Variants in TFG observed in about 807,000 individuals in gnomAD.
The protein encoded by TFG is trafficking from ER to golgi regulator.
In TFG, 22 loss-of-function variants were observed where a neutral mutation model predicts 51.4. That is an observed-to-expected ratio of 0.43 (90% CI 0.31 to 0.61). TFG has a LOEUF of 0.61. Ranked by LOEUF, TFG falls within the 20% of genes least tolerant of loss-of-function variation. TFG has a pLI of 0.12. For missense variants in TFG, 419 were observed against 487.7 expected (o/e 0.86, Z 1.33); for synonymous variants, 187 against 165.6 (o/e 1.13, Z -0.99).
intron 6 of TFG, among the ~76,000 whole-genome samples, chr3:100,739,478 T>A (rs1214283918): frequency 2.0e-5 from 3 of 151,572 alleles, no homozygotes; most frequent in African/African-American, 7.3e-5. Context: ...TTGCCAGAAA[T>A]GTAACTGGTA....
At position 100,732,610 on chromosome 3, in the gene TFG, A is replaced by G. The variant is rs1259859828; in HGVS notation, c.518A>G (p.Asn173Ser). 2 of 1,612,168 alleles carry G rather than the reference A, an allele frequency of 1.2e-6. No homozygotes were observed. Among genetic ancestry groups the G allele is most frequent in the African/African-American group, 1.3e-5 (1 of 74,810 alleles). ...ATGTCTGCTTTTGATCCTTTAAAAA[A>G]CCAAGATGAAATCAATAAAAATGTT... ...ASMSAFDPLK[N>S]QDEINKNVMS... The change falls in exon 5 of 8, where the codon AAC (asparagine) becomes AGC (serine). Residue 173 changes from asparagine to serine, a missense_variant. Physicochemically the swap from Asn to Ser is conservative, Grantham distance 46. Around this residue, in one of 3 missense-constraint regions of TFG, gnomAD observed 391 missense variants for 434.4 expected, o/e 0.90. Transcript: ENST00000240851.
At chr3:100,711,589 T>C (rs575199509) in intron 1 of TFG, among the ~76,000 whole-genome samples, 2 of 152,132 alleles carry the variant, frequency 1.3e-5, no homozygotes, top group Non-Finnish European at 2.9e-5. Context: ...TATTACAGCT[T>C]TCTTCTCCCA....
At chr3:100,724,450 T>C (rs577992349) in intron 3 of TFG, among the ~76,000 whole-genome samples, 1 of 152,306 alleles carries the variant, frequency 6.6e-6, no homozygotes, top group African/African-American at 2.4e-5. Context: ...CTAGGTAAAT[T>C]TAATGTACTG....
intron 6 of TFG, 101 bp downstream of exon 6, chr3:100,736,817 C>A: frequency 2.3e-6 from 3 of 1,298,186 alleles, no homozygotes; most frequent in Non-Finnish European, 3.1e-6. Flanking sequence ...ATGCCTTAAA[C>A]ACAGGAAAAA....
chr3:100,740,306 A>C (rs1193878309), intron 6 of TFG, among the ~76,000 whole-genome samples: 2 of 152,178 alleles, frequency 1.3e-5, no homozygotes, highest in African/African-American at 4.8e-5. Context: ...GGTTGCAGTT[A>C]AAAATGGCTG....
At chr3:100,719,896 A>G (rs945410645) in intron 2 of TFG, 79 bp from the exon 3 acceptor site, 17 of 852,658 alleles carry the variant, frequency 2.0e-5, no homozygotes, top group Middle Eastern at 7.1e-4. Context: ...TGGATTTTTA[A>G]TTTTTACTAG....
At chr3:100,730,179 G>A (rs2095087634) in intron 4 of TFG, among the ~76,000 whole-genome samples, 1 of 152,168 alleles carries the variant, frequency 6.6e-6, no homozygotes, top group Admixed American at 6.5e-5. Context: ...ATATTAAGAA[G>A]TGTAGATGAG....
chr3:100,721,275 G>A (rs752852103), intron 3 of TFG, among the ~76,000 whole-genome samples: 1 of 151,650 alleles, frequency 6.6e-6, no homozygotes, highest in Non-Finnish European at 1.5e-5. Flanking sequence ...AAATATCCAG[G>A]GAACAAAAAA....
rs774086902 is a variant in TFG at position 100,732,669 on chromosome 3, T to C, written c.577T>C (p.Ser193Pro). The C allele has an allele frequency of 4.4e-6, 7 of 1,606,948 alleles. No individual in the cohort carries two copies. The South Asian group carries it at 7.8e-5, about 18-fold the overall frequency. ...SAFGLTDDQV[S>P]GPPSAPAEDR... ...GTTTGGCTTAACAGATGATCAGGTTTCAGGTAAGTTGGTTTCCAACTCCTT... is the reference window on the plus strand; with the variant it reads ...GTTTGGCTTAACAGATGATCAGGTTCCAGGTAAGTTGGTTTCCAACTCCTT... The change falls in exon 5 of 8, where the codon TCA (serine) becomes CCA (proline). Residue 193 changes from serine to proline, a missense_variant. Around this residue, in one of 3 missense-constraint regions of TFG, gnomAD observed 391 missense variants for 434.4 expected, o/e 0.90. Transcript: ENST00000240851.
chr3:100,711,573 G>A (rs555619774), intron 1 of TFG, among the ~76,000 whole-genome samples: 1 of 152,166 alleles, frequency 6.6e-6, no homozygotes, highest in South Asian at 2.1e-4. Flanking sequence ...TGTAAAAACT[G>A]ATCTATATTA....
intron 2 of TFG, among the ~76,000 whole-genome samples, chr3:100,716,044 C>T (rs2095044961): frequency 6.6e-6 from 1 of 152,086 alleles, no homozygotes; most frequent in African/African-American, 2.4e-5. Flanking sequence ...TCCATCACCT[C>T]AAATATTTAT....
intron 4 of TFG, 88 bp from the exon 5 acceptor site, chr3:100,732,420 C>T (rs1321602471): frequency 4.8e-6 from 4 of 838,576 alleles, no homozygotes; most frequent in East Asian, 5.1e-5. Context: ...TATCATTATA[C>T]ACCTGCATTA....
intron 6 of TFG, chr3:100,744,018 G>A (rs1369431291): frequency 6.6e-6 from 1 of 151,916 alleles, no homozygotes; most frequent in East Asian, 1.9e-4. Context: ...AGATAATAAA[G>A]ACATAAACCA....
At chr3:100,717,224 T>G (rs931779315) in intron 2 of TFG, among the ~76,000 whole-genome samples, 4 of 152,164 alleles carry the variant, frequency 2.6e-5, no homozygotes, top group African/African-American at 9.7e-5. Context: ...ATCTATGTGT[T>G]TGTTCTCTTG....
intron 2 of TFG, among the ~76,000 whole-genome samples, chr3:100,719,099 T>TAA (rs1302402853): frequency 6.6e-6 from 1 of 152,214 alleles, no homozygotes; most frequent in Non-Finnish European, 1.5e-5. Flanking sequence ...TATAAGGAGC[T>TAA]AAAAACAGTT....
intron 5 of TFG, among the ~76,000 whole-genome samples, chr3:100,734,903 A>C (rs889753064): frequency 2.0e-5 from 3 of 152,226 alleles, no homozygotes; most frequent in Non-Finnish European, 4.4e-5. Context: ...CTGTATGCAT[A>C]GCTAGGATAC....
At chr3:100,713,557 T>G in intron 1 of TFG, 86 bp from the exon 2 acceptor site, 2 of 532,068 alleles carry the variant, frequency 3.8e-6, no homozygotes, top group Non-Finnish European at 6.1e-6. Flanking sequence ...TTTTGGAGGC[T>G]AGAGTTTCTT....
intron 4 of TFG, among the ~76,000 whole-genome samples, chr3:100,731,113 T>G (rs905643454): frequency 1.6e-4 from 25 of 152,170 alleles, no homozygotes; most frequent in African/African-American, 6.0e-4. Flanking sequence ...GCACTTAACA[T>G]TTTTTTCAGA....
At chr3:100,731,347 T>C (rs2095091155) in intron 4 of TFG, among the ~76,000 whole-genome samples, 1 of 152,228 alleles carries the variant, frequency 6.6e-6, no homozygotes, top group East Asian at 1.9e-4. Flanking sequence ...ACTCTTTTTC[T>C]TTCACAAGAC....
Sources: allele counts gnomAD v4.1 joint callset (sites outside exome capture counted in the v4.1 genomes callset), GRCh38; gene constraint gnomAD v4.1.1; regional missense constraint gnomAD v4.1.1; transcripts MANE v1.5; gene names NCBI Gene and HGNC (gene_info 2026-07-23, HGNC 2026-07-21).